Variants in HELZ observed in about 807,000 individuals in gnomAD.
HELZ encodes ATP-dependent RNA helicase with zinc finger domain.
In HELZ, 23 loss-of-function variants were observed where a neutral mutation model predicts 218.2. The observed-to-expected ratio is 0.11, with a 90% CI of 0.08 to 0.15. HELZ has a LOEUF of 0.15. Ranked by LOEUF, HELZ falls within the 10% of genes least tolerant of loss-of-function variation. The pLI, the probability that HELZ is intolerant of heterozygous loss-of-function variation, is 1.00. For missense variants in HELZ, 1,813 were observed against 2,353.7 expected (o/e 0.77, Z 4.75); for synonymous variants, 814 against 829.4 (o/e 0.98, Z 0.32).
intron 5 of HELZ, among the ~76,000 whole-genome samples, chr17:67,214,738 T>C (rs1355756027): frequency 1.3e-5 from 2 of 152,134 alleles, no homozygotes; most frequent in Non-Finnish European, 2.9e-5. Flanking sequence ...GAATGTACAG[T>C]GAACTCTTCT....
chr17:67,092,432 G>C (rs2143630224), intron 31 of HELZ, among the ~76,000 whole-genome samples: 1 of 152,168 alleles, frequency 6.6e-6, no homozygotes, highest in African/African-American at 2.4e-5. Flanking sequence ...AAATTAGGGG[G>C]GTTAAATGAA....
intron 5 of HELZ, among the ~76,000 whole-genome samples, chr17:67,203,800 A>G (rs764657509): frequency 6.6e-6 from 1 of 152,208 alleles, no homozygotes; most frequent in Non-Finnish European, 1.5e-5. Flanking sequence ...TTACAGTGAC[A>G]TAAGACTGGG....
rs939061615 is a variant in HELZ at position 67,076,616 on chromosome 17, C to A, written c.*1636G>T. ...GCTTGCTAACCATTAACCAAAGGCA[C>A]TCTTTTATCCCAAACTGTCTGAGGA... On this transcript the variant is annotated 3_prime_UTR_variant, in exon 33 of 33. Transcript: ENST00000358691. 3.3e-5 allele frequency: 5 copies of A among 152,250 alleles called. No individual in the cohort carries two copies. The highest frequency in any genetic ancestry group is 1.2e-4 in the African/African-American group (5 of 41,460). 9.4% of individuals were successfully genotyped at this position (152,250 alleles called of 1,614,324 possible). A position where few individuals can be genotyped will look rare whatever the true frequency, so the allele number is the denominator to read the frequency against.
intron 9 of HELZ, among the ~76,000 whole-genome samples, chr17:67,193,255 G>A (rs1156985096): frequency 6.7e-6 from 1 of 150,244 alleles, no homozygotes; most frequent in Non-Finnish European, 1.5e-5. Flanking sequence ...TGAGGTGAGA[G>A]GATCATTTGA....
At chr17:67,162,227 G>C (rs979489306) in intron 15 of HELZ, among the ~76,000 whole-genome samples, 1 of 152,018 alleles carries the variant, frequency 6.6e-6, no homozygotes, top group Non-Finnish European at 1.5e-5. Flanking sequence ...ACCACCCTGA[G>C]CAACACAGCA....
chr17:67,075,706 A>G lies in HELZ; in HGVS notation c.*2546T>C, dbSNP rs1416486738. On this transcript the variant is annotated 3_prime_UTR_variant, in exon 33 of 33. Transcript: ENST00000358691. ...GCATTATGTAATGCTGAGGAAGAGT[A>G]AGCTTGTTGTAAGTCAAAATAAGCA... 6.6e-6 allele frequency: 1 copy of G among 152,262 alleles called. No homozygotes were observed. The highest frequency in any genetic ancestry group is 1.5e-5 in the Non-Finnish European group (1 of 68,026). 9.4% of individuals were successfully genotyped at this position (152,262 alleles called of 1,614,324 possible).
intron 5 of HELZ, among the ~76,000 whole-genome samples, chr17:67,205,521 A>T (rs2040274179): frequency 6.6e-6 from 1 of 152,182 alleles, no homozygotes. Context: ...CCTACATATT[A>T]CCTTCCCCTT....
chr17:67,127,212 T>C (rs959567483), intron 24 of HELZ, among the ~76,000 whole-genome samples: 2 of 152,176 alleles, frequency 1.3e-5, no homozygotes, highest in African/African-American at 4.8e-5. Flanking sequence ...TCACTTCCTC[T>C]CACTTCTCCA....
In HELZ at chr17:67,195,938, A is replaced by AC. The variant is rs1229247267; in HGVS notation, c.430-469dup. Among the ~76,000 whole-genome samples the AC allele has an allele frequency of 3.1e-5, 4 of 127,912 alleles. No individual in the cohort carries two copies. The Admixed American group carries it at 3.9e-4, about 12-fold the overall frequency. The allele number at this position is 127,912 out of a possible 152,430, so 83.9% of individuals were successfully genotyped here. A position where few individuals can be genotyped will look rare whatever the true frequency, so the allele number is the denominator to read the frequency against. On this transcript the variant is annotated intron_variant, in intron 7 of 32. Transcript: ENST00000358691. ...GCAAACTCAGCTCACTGCAACCTCC[A>AC]CCCCCCGGGTTCAAGTGATTCTCCT...
intron 31 of HELZ, among the ~76,000 whole-genome samples, chr17:67,089,174 C>T (rs959548327): frequency 6.6e-6 from 1 of 152,134 alleles, no homozygotes; most frequent in African/African-American, 2.4e-5. Flanking sequence ...ATTATGATAA[C>T]CATGTCTCCT....
intron 15 of HELZ, among the ~76,000 whole-genome samples, chr17:67,164,805 A>C (rs748535224): frequency 4.6e-5 from 7 of 152,160 alleles, no homozygotes; most frequent in Non-Finnish European, 8.8e-5. Flanking sequence ...GAGGCCATAC[A>C]CAGGCGCTTT....
Position 67,160,295 on chromosome 17 carries a change from C to T in HELZ, c.2143G>A (p.Val715Ile). The T allele has an allele frequency of 6.2e-7, 1 of 1,612,156 alleles. No homozygotes were observed. Among genetic ancestry groups the T allele is most frequent in the South Asian group, 1.1e-5 (1 of 91,034 alleles). ...CTTGCCTGGGGATTGCCTGCTTCTACATATGGATGTAAATAATCCTTTATG... is the reference window on the plus strand; with the variant it reads ...CTTGCCTGGGGATTGCCTGCTTCTATATATGGATGTAAATAATCCTTTATG... ...LYIKDYLHPYVEAGNPQARPL... is the reference protein window; with the variant it reads ...LYIKDYLHPYIEAGNPQARPL... Residue 715 changes from valine to isoleucine, a missense_variant, in exon 17 of 33, where the codon GTA becomes ATA. By Grantham distance (29) the Val-to-Ile change is conservative. This residue lies in a region of HELZ where 714 missense variants were observed against 1,029.2 expected (regional missense o/e 0.69). Transcript: ENST00000358691.
rs578057174 is a variant in HELZ, at chr17:67,107,280, C to T, written c.5130G>A (p.Pro1710=). 262 of 1,614,066 alleles carry T rather than the reference C, an allele frequency of 1.6e-4. 1 individual carries two copies. In the South Asian group the frequency reaches 1.9e-3, roughly 12 times the overall value. The change falls in exon 31 of 33, where the codon CCG becomes CCA. Residue 1710 remains proline (P), a synonymous_variant. Transcript: ENST00000358691. ...YGLPPLPHRP[P]QNPFVQIQNH... ...TCTGTATTTGTACAAAAGGGTTCTG[C>T]GGTGGCCTGTGAGGCAATGGAGGTA...
chr17:67,212,318 A>AAAAAAAAAAAAAG (rs2040477545), intron 5 of HELZ, among the ~76,000 whole-genome samples: 1 of 141,364 alleles, frequency 7.1e-6, no homozygotes, highest in Non-Finnish European at 1.5e-5. Context: ...CCATCTCAAA[A>AAAAAAAAAAAAAG]AAAAAAAAAA....
chr17:67,216,011 T>C, intron 4 of HELZ, 76 bp from the exon 5 acceptor site: 6 of 851,040 alleles, frequency 7.1e-6, no homozygotes, highest in Middle Eastern at 2.3e-4. Context: ...AAAGGGAAAC[T>C]TGGCTTTGTT....
At chr17:67,176,768 G>A (rs2039470274) in intron 13 of HELZ, 2 of 152,196 alleles carry the variant, frequency 1.3e-5, no homozygotes, top group South Asian at 4.1e-4. Flanking sequence ...CCCCAGCCCG[G>A]GAGGTTGAGG....
At chr17:67,147,453 G>A (rs1467768518) in intron 20 of HELZ, among the ~76,000 whole-genome samples, 1 of 152,000 alleles carries the variant, frequency 6.6e-6, no homozygotes, top group Non-Finnish European at 1.5e-5. Context: ...CCCAAAGCAG[G>A]ACTCTAATCT....
chr17:67,194,099 T>G (rs1193459005), intron 8 of HELZ, 57 bp from the exon 9 acceptor site: 11 of 1,208,240 alleles, frequency 9.1e-6, no homozygotes, highest in Middle Eastern at 4.8e-4. Context: ...AATTCTGATA[T>G]TTTAATGTGT....
chr17:67,095,239 C>G (rs1344534235), intron 31 of HELZ, among the ~76,000 whole-genome samples: 1 of 152,128 alleles, frequency 6.6e-6, no homozygotes, highest in Non-Finnish European at 1.5e-5. Context: ...TCACCCATAA[C>G]AAGAAATTTC....
Sources: allele counts gnomAD v4.1 joint callset (sites outside exome capture counted in the v4.1 genomes callset), GRCh38; gene constraint gnomAD v4.1.1; regional missense constraint gnomAD v4.1.1; transcripts MANE v1.5; gene names NCBI Gene and HGNC (gene_info 2026-07-23, HGNC 2026-07-21).